The following PRAMEF17 variants were observed in gnomAD, a reference collection of about 807,000 sequenced individuals.
The protein encoded by PRAMEF17 is PRAME family member 17.
PRAMEF17 carries 48 observed loss-of-function variants against 36.8 expected under a neutral mutation model. The ratio of observed to expected loss-of-function variants is 1.30; its 90% confidence interval spans 1.03 to 1.66. PRAMEF17 has a LOEUF of 1.66. PRAMEF17 is among the 40% of genes most tolerant of loss of function. The pLI is 0.00. For synonymous variants in PRAMEF17, 246 were observed against 220.4 expected, an observed-to-expected ratio of 1.12 and a Z score of -1.03; for missense variants, 639 against 560.6, an observed-to-expected ratio of 1.14 and a Z score of -1.41.
intron 2 of PRAMEF17, among the ~76,000 whole-genome samples, chr1:13,391,134 G>C (rs1395951613): frequency 3.9e-5 from 6 of 152,344 alleles, no homozygotes; most frequent in South Asian, 2.1e-4. Context: ...ATGGCCCGGG[G>C]CAGATGCTAC....
At chr1:13,391,273 A>T (rs1318714057) in intron 2 of PRAMEF17, among the ~76,000 whole-genome samples, 3 of 152,202 alleles carry the variant, frequency 2.0e-5, no homozygotes, top group African/African-American at 7.2e-5. Flanking sequence ...AGAGGAGAGT[A>T]TGAAAGAAGG....
In PRAMEF17 at chr1:13,390,585, G is replaced by A. The variant is rs764316314; in HGVS notation, c.532G>A (p.Val178Met). 1.2e-6 allele frequency: 2 copies of A among 1,611,994 alleles called. No individual in the cohort carries two copies. The highest frequency in any genetic ancestry group is 2.2e-5 in the South Asian group (2 of 90,982). Residue 178 changes from valine (V) to methionine (M), a missense_variant, in exon 2 of 3, where the codon GTG becomes ATG. By Grantham distance (21) the Val-to-Met change is conservative. Coordinates refer to ENST00000376098, the MANE Select transcript of PRAMEF17 (RefSeq NM_001099851.3). The stretch of plus-strand genomic sequence containing the variant: ...GTGGATCCACTACAGAAGAGGTCTA[G>A]TGCACCTGTGTTGTAATAAGGTGCA... ...CRWIHYRRGL[V>M]HLCCNKVQNY...
At position 13,389,670 on chromosome 1, in the gene PRAMEF17, T is replaced by G. The variant is rs1361869616; in HGVS notation, c.13T>G (p.Ser5Ala). 1,729 of 1,606,184 alleles carry G rather than the reference T, an allele frequency of 1.1e-3. 8 individuals carry two copies. The highest frequency in any genetic ancestry group is 1.4e-3 in the Non-Finnish European group (1,605 of 1,174,248). ...GAGATTTGTCAGAATGAGCCTCCAG[T>G]CCCCATCCAGACTCCTGGAGCTGGC... is the stretch of plus-strand genomic sequence containing the variant. MSLQ[S>A]PSRLLELAGQ... Residue 5 changes from serine to alanine, a missense_variant, in exon 1 of 3, where the codon TCC becomes GCC. Ser to Ala is a moderately conservative substitution (Grantham distance 99). Coordinates refer to ENST00000376098, the MANE Select transcript of PRAMEF17 (RefSeq NM_001099851.3).
Position 13,392,099 on chromosome 1 carries a change from G to C in PRAMEF17, c.1022G>C (p.Gly341Ala). Residue 341 changes from glycine (G) to alanine (A), a missense_variant, in exon 3 of 3, where the codon GGA becomes GCA. Coordinates refer to ENST00000376098, the MANE Select transcript of PRAMEF17 (RefSeq NM_001099851.3). ...TGGACTACCAATCTTGAGCCCCTTG[G>C]AGCTCTGCTAGAGAAAGTTGCTGCT... is the stretch of plus-strand genomic sequence containing the variant. ...LMWTTNLEPL[G>A]ALLEKVAATL... 1 of 1,611,876 alleles carries C rather than the reference G, an allele frequency of 6.2e-7. No homozygotes were observed. The highest frequency in any genetic ancestry group is 8.5e-7 in the Non-Finnish European group (1 of 1,179,828).
chr1:13,389,694 G>C lies in PRAMEF17; in HGVS notation c.37G>C (p.Ala13Pro), dbSNP rs1443718699. ...GTCCCCATCCAGACTCCTGGAGCTG[G>C]CAGGCCAGAGCCTGCTGAGGAACCA... Reference protein sequence around the residue: ...LQSPSRLLELAGQSLLRNQFL... With the variant: ...LQSPSRLLELPGQSLLRNQFL... The change falls in exon 1 of 3, where the codon GCA (alanine) becomes CCA (proline). Residue 13 changes from alanine to proline, a missense_variant. Ala to Pro is a conservative substitution (Grantham distance 27). Coordinates refer to ENST00000376098, the MANE Select transcript of PRAMEF17 (RefSeq NM_001099851.3). 1.2e-6 allele frequency: 2 copies of C among 1,611,842 alleles called. No individual in the cohort carries two copies. The highest frequency in any genetic ancestry group is 1.3e-5 in the African/African-American group (1 of 74,844).
chr1:13,392,445 C>G lies in PRAMEF17; in HGVS notation c.1368C>G (p.Pro456=). Residue 456 remains proline, a synonymous_variant, in exon 3 of 3, where the codon CCC becomes CCG. Transcript: ENST00000376098. ...AGAGGATCTTTTTTGGTCCCATCCCCTGCCCTTCCTGTGGCTCATGGCCAT... is the reference window on the plus strand; with the variant it reads ...AGAGGATCTTTTTTGGTCCCATCCCGTGCCCTTCCTGTGGCTCATGGCCAT... ...QPKRIFFGPI[P]CPSCGSWPSE... 1.2e-6 allele frequency: 2 copies of G among 1,612,024 alleles called. No individual in the cohort carries two copies. Among genetic ancestry groups the G allele is most frequent in the Non-Finnish European group, 1.7e-6 (2 of 1,179,864 alleles).
At position 13,392,140 on chromosome 1, in the gene PRAMEF17, AC is replaced by A. The variant is rs1640893466; in HGVS notation, c.1064del (p.Thr355SerfsTer2). 10 of 1,611,884 alleles carry A rather than the reference AC, an allele frequency of 6.2e-6. No individual in the cohort carries two copies. Among genetic ancestry groups the A allele is most frequent in the Non-Finnish European group, 8.5e-6 (10 of 1,179,816 alleles). ...EKVAATLEIL[T>X]LKDCQIQDSQ... is the part of the protein sequence containing the mutation. ...AGTTGCTGCTACTCTCGAGATCCTC[AC>A]GTTAAAGGACTGTCAGATCCAGGAC... On this transcript the variant is annotated frameshift_variant, in exon 3 of 3. Transcript: ENST00000376098. LOFTEE classifies it high-confidence loss of function.
Position 13,392,010 on chromosome 1 carries a change from GTGTC to G in PRAMEF17, c.939_942del (p.Gln315ThrfsTer7). On this transcript the variant is annotated frameshift_variant, in exon 3 of 3. Transcript: ENST00000376098. LOFTEE classifies it high-confidence loss of function. ...CTTACCTAGCTGATCAGGACATGGA[GTGTC>G]TGTCTCAGTACCCAAGCCTCAGTCA... 6.2e-7 allele frequency: 1 copy of G among 1,611,876 alleles called. No individual in the cohort carries two copies. The highest frequency in any genetic ancestry group is 8.5e-7 in the Non-Finnish European group (1 of 1,179,830).
Position 13,390,487 on chromosome 1 carries a change from A to C in PRAMEF17, c.434A>C (p.Gln145Pro). 6.2e-7 allele frequency: 1 copy of C among 1,611,990 alleles called. No homozygotes were observed. Among genetic ancestry groups the C allele is most frequent in the Non-Finnish European group, 8.5e-7 (1 of 1,179,856 alleles). Reference sequence around the variant, plus strand: ...GACTATCCAAGGACGGGAGAGCACCAGCCCTTGAAGGTGTTCATAGACCTC... The same window carrying C: ...GACTATCCAAGGACGGGAGAGCACCCGCCCTTGAAGGTGTTCATAGACCTC... ...VEDYPRTGEH[Q>P]PLKVFIDLCQ... is the part of the protein sequence containing the mutation. The change falls in exon 2 of 3, where the codon CAG (glutamine) becomes CCG (proline). Residue 145 changes from glutamine (Q) to proline (P), a missense_variant. Physicochemically the swap from Gln to Pro is moderately conservative, Grantham distance 76. Transcript: ENST00000376098.
chr1:13,392,542 A>G lies in PRAMEF17; in HGVS notation c.*40A>G. The G allele has an allele frequency of 6.2e-7, 1 of 1,608,664 alleles. No individual in the cohort carries two copies. Among genetic ancestry groups the G allele is most frequent in the Non-Finnish European group, 8.5e-7 (1 of 1,179,084 alleles). ...GTGGGATGGATATGCTTTCTTCAGG[A>G]CCCTTAGGCACTAAAATCTAGGACA... On this transcript the variant is annotated 3_prime_UTR_variant, in exon 3 of 3. Coordinates refer to ENST00000376098, the MANE Select transcript of PRAMEF17 (RefSeq NM_001099851.3).
rs2100409421 is a variant in PRAMEF17 at position 13,392,289 on chromosome 1, G to A, written c.1212G>A (p.Leu404=). The A allele has an allele frequency of 1.9e-6, 3 of 1,611,984 alleles. No homozygotes were observed. The highest frequency in any genetic ancestry group is 1.3e-5 in the African/African-American group (1 of 74,956). ...ACCTGCTGTGTCACACAGGTGGGCT[G>A]AGCAAGTTAGGTCTGGAGTTGTATC... is the stretch of plus-strand genomic sequence containing the variant. ...LKDLLCHTGG[L]SKLGLELYPA... is the part of the protein sequence containing the mutation. The change falls in exon 3 of 3, where the codon CTG becomes CTA. Residue 404 remains leucine (L), a synonymous_variant. Coordinates refer to ENST00000376098, the MANE Select transcript of PRAMEF17 (RefSeq NM_001099851.3).
intron 2 of PRAMEF17, among the ~76,000 whole-genome samples, 184 bp downstream of exon 2, chr1:13,391,103 C>T (rs1217868855): frequency 3.9e-5 from 6 of 152,280 alleles, no homozygotes; most frequent in Middle Eastern, 3.4e-3. Flanking sequence ...ATCACAAGCC[C>T]GCTCAAATAA....
chr1:13,392,593 T>G lies in PRAMEF17; in HGVS notation c.*91T>G, dbSNP rs566181131. On this transcript the variant is annotated 3_prime_UTR_variant, in exon 3 of 3. Transcript: ENST00000376098. ...CAGGTGGGTTTTTTTGTTTTTTTGTTTTTTTTTTGATGGAGTCTCGCTCTG... is the reference window on the plus strand; with the variant it reads ...CAGGTGGGTTTTTTTGTTTTTTTGTGTTTTTTTTGATGGAGTCTCGCTCTG... The G allele has an allele frequency of 1.2e-4, 189 of 1,537,792 alleles. No individual in the cohort carries two copies. Among genetic ancestry groups the G allele is most frequent in the South Asian group, 8.2e-4 (68 of 83,012 alleles).
In PRAMEF17 at chr1:13,390,666, G is replaced by T. The variant is rs1290027675; in HGVS notation, c.613G>T (p.Asp205Tyr). 2 of 1,612,000 alleles carry T rather than the reference G, an allele frequency of 1.2e-6. No individual in the cohort carries two copies. Among genetic ancestry groups the T allele is most frequent in the Admixed American group, 3.3e-5 (2 of 60,020 alleles). Residue 205 changes from aspartate to tyrosine, a missense_variant, in exon 2 of 3, where the codon GAC becomes TAC. By Grantham distance (160) the Asp-to-Tyr change is radical (BLOSUM62 -3). Coordinates refer to ENST00000376098, the MANE Select transcript of PRAMEF17 (RefSeq NM_001099851.3). Reference protein sequence around the residue: ...FRNLLKRVYPDSIQELEIKRK... With the variant: ...FRNLLKRVYPYSIQELEIKRK... ...AAATTTATTGAAAAGGGTATACCCAGACAGTATCCAGGAGTTGGAAATTAA... is the reference window on the plus strand; with the variant it reads ...AAATTTATTGAAAAGGGTATACCCATACAGTATCCAGGAGTTGGAAATTAA...
intron 1 of PRAMEF17, 120 bp downstream of exon 1, chr1:13,390,064 A>G (rs1640859293): frequency 6.0e-6 from 9 of 1,495,456 alleles, no homozygotes; most frequent in African/African-American, 1.4e-5. Flanking sequence ...GATGGTGCCC[A>G]TGAGAGACCT....
In PRAMEF17 at chr1:13,391,822, C is replaced by G. The variant is rs527614708; in HGVS notation, c.867-122C>G. ...TTCCCCATTGCAGGTTACTACAACA[C>G]CTGTGTGGTAGTAAGGTGCAGAATT... On this transcript the variant is annotated intron_variant, in intron 2 of 2. Coordinates refer to ENST00000376098, the MANE Select transcript of PRAMEF17 (RefSeq NM_001099851.3). 7.6e-3 allele frequency: 10,802 copies of G among 1,428,566 alleles called. 56 individuals are homozygous for G. Among genetic ancestry groups the G allele is most frequent in the Non-Finnish European group, 9.3e-3 (9,584 of 1,034,994 alleles). 88.5% of individuals were successfully genotyped at this position (1,428,566 alleles called of 1,614,324 possible). A position where few individuals can be genotyped will look rare whatever the true frequency, so the allele number is the denominator to read the frequency against.
intron 1 of PRAMEF17, among the ~76,000 whole-genome samples, 187 bp from the exon 2 acceptor site, chr1:13,390,154 A>C (rs1259601338): frequency 6.6e-6 from 1 of 152,134 alleles, no homozygotes; most frequent in Non-Finnish European, 1.5e-5. Context: ...GCTTCCTCCC[A>C]GTGGAAGGTA....
chr1:13,389,681 A>G lies in PRAMEF17; in HGVS notation c.24A>G (p.Arg8=). 6.2e-7 allele frequency: 1 copy of G among 1,611,598 alleles called. No homozygotes were observed. The highest frequency in any genetic ancestry group is 2.2e-5 in the East Asian group (1 of 44,832). Residue 8 remains arginine (R), a synonymous_variant, in exon 1 of 3, where the codon AGA becomes AGG. Coordinates refer to ENST00000376098, the MANE Select transcript of PRAMEF17 (RefSeq NM_001099851.3). The part of the protein sequence containing the change: MSLQSPS[R]LLELAGQSLL... ...GAATGAGCCTCCAGTCCCCATCCAG[A>G]CTCCTGGAGCTGGCAGGCCAGAGCC...
chr1:13,392,005 A>T lies in PRAMEF17; in HGVS notation c.928A>T (p.Met310Leu), dbSNP rs773585803. The change falls in exon 3 of 3, where the codon ATG becomes TTG. Residue 310 changes from methionine (M) to leucine (L), a missense_variant. Transcript: ENST00000376098. ...FCHAYLADQD[M>L]ECLSQYPSLS... ...TCATGCTTACCTAGCTGATCAGGAC[A>T]TGGAGTGTCTGTCTCAGTACCCAAG... The T allele has an allele frequency of 3.7e-6, 6 of 1,611,816 alleles. No individual in the cohort carries two copies. Among genetic ancestry groups the T allele is most frequent in the East Asian group, 2.2e-5 (1 of 44,832 alleles).
Sources: gnomAD v4.1 joint callset for allele counts (sites outside exome capture counted in the v4.1 genomes callset) on GRCh38, gnomAD v4.1.1 for gene constraint, MANE v1.5 for transcripts, NCBI Gene and HGNC (gene_info 2026-07-23, HGNC 2026-07-21) for gene names.